The following ANKMY2 variants were observed in gnomAD, a reference collection of about 807,000 sequenced individuals.
ANKMY2 encodes ankyrin repeat and MYND domain containing 2.
Under a neutral mutation model 50.4 loss-of-function variants are expected in ANKMY2, and 36 were observed. The ratio of observed to expected loss-of-function variants is 0.71; its 90% CI spans 0.55 to 0.94. The LOEUF (loss-of-function observed/expected upper bound fraction) is 0.94, where lower values mean the gene tolerates loss of function less well. Ranked by LOEUF, ANKMY2 falls within the 40% of genes least tolerant of loss-of-function variation. The pLI, the probability that ANKMY2 is intolerant of heterozygous loss-of-function variation, is 0.00. For synonymous variants in ANKMY2, 187 were observed against 178.8 expected (o/e 1.05, Z -0.36); for missense variants, 565 against 524.0 (o/e 1.08, Z -0.76).
At chr7:16,637,942 GCT>G (rs1477263127) in intron 1 of ANKMY2, among the ~76,000 whole-genome samples, 1 of 152,166 alleles carries the variant, frequency 6.6e-6, no homozygotes, top group Non-Finnish European at 1.5e-5. Flanking sequence ...TAAACATTTG[GCT>G]CTCATTAGAG....
At chr7:16,621,279 C>A (rs900391662) in intron 4 of ANKMY2, among the ~76,000 whole-genome samples, 2 of 152,062 alleles carry the variant, frequency 1.3e-5, no homozygotes, top group African/African-American at 4.8e-5. Flanking sequence ...ATGAAGGAAC[C>A]AATTAAATAT....
intron 1 of ANKMY2, among the ~76,000 whole-genome samples, chr7:16,644,012 G>C (rs1037960661): frequency 1.3e-5 from 2 of 152,204 alleles, no homozygotes; most frequent in Non-Finnish European, 2.9e-5. Flanking sequence ...GAGAGAGAGA[G>C]AGAAAGAGAC....
At chr7:16,612,962 G>T (rs555377561) in intron 5 of ANKMY2, among the ~76,000 whole-genome samples, 14 of 152,182 alleles carry the variant, frequency 9.2e-5, no homozygotes, top group Middle Eastern at 3.4e-3. Context: ...TTATGTAGTG[G>T]CATTTTGAAT....
chr7:16,625,467 T>C (rs2128344568), intron 3 of ANKMY2, among the ~76,000 whole-genome samples: 1 of 152,326 alleles, frequency 6.6e-6, no homozygotes, highest in African/African-American at 2.4e-5. Context: ...ATCCCATTCC[T>C]CACACTTACA....
chr7:16,615,103 T>C (rs1406168067), intron 5 of ANKMY2, among the ~76,000 whole-genome samples: 1 of 152,208 alleles, frequency 6.6e-6, no homozygotes, highest in Non-Finnish European at 1.5e-5. Flanking sequence ...CCTATGAAAT[T>C]TGAAAATCTG....
chr7:16,624,872 G>A, intron 4 of ANKMY2, 111 bp downstream of exon 4: 2 of 894,018 alleles, frequency 2.2e-6, no homozygotes, highest in Non-Finnish European at 3.5e-6. Context: ...AAATACTTAA[G>A]TTTTTTTAAA....
chr7:16,619,438 G>A (rs2128343768), intron 4 of ANKMY2, among the ~76,000 whole-genome samples: 1 of 152,270 alleles, frequency 6.6e-6, no homozygotes, highest in East Asian at 1.9e-4. Context: ...ACAGGCGTGA[G>A]CTACTGTGCC....
chr7:16,644,334 C>T (rs1781785793), intron 1 of ANKMY2, among the ~76,000 whole-genome samples: 1 of 152,266 alleles, frequency 6.6e-6, no homozygotes, highest in Admixed American at 6.5e-5. Flanking sequence ...ATAGATATAG[C>T]TGTGACTGAC....
intron 1 of ANKMY2, among the ~76,000 whole-genome samples, chr7:16,636,797 C>T (rs1287824015): frequency 1.3e-5 from 2 of 152,164 alleles, no homozygotes; most frequent in African/African-American, 2.4e-5. Context: ...TAATCCAAAT[C>T]ACCATCTGAA....
At chr7:16,639,818 T>C (rs1307248866) in intron 1 of ANKMY2, among the ~76,000 whole-genome samples, 1 of 152,094 alleles carries the variant, frequency 6.6e-6, no homozygotes, top group African/African-American at 2.4e-5. Context: ...CTGCTCTCTC[T>C]TCTACTACAT....
At chr7:16,607,436 T>A (rs767821540) in intron 7 of ANKMY2, among the ~76,000 whole-genome samples, 1 of 151,866 alleles carries the variant, frequency 6.6e-6, no homozygotes, top group Non-Finnish European at 1.5e-5. Flanking sequence ...GGCATGGTGG[T>A]GTGTGCCTGT....
rs772631537 is a variant in ANKMY2 at position 16,604,846 on chromosome 7, A to G, written c.886T>C (p.Ser296Pro). 6.2e-7 allele frequency: 1 copy of G among 1,608,970 alleles called. No individual in the cohort carries two copies. The highest frequency in any genetic ancestry group is 1.1e-5 in the South Asian group (1 of 90,494). ...AGGACGGAGAATGCAGTGGGATCAGAACCCTAGAGTGGGCATGAAGAGGAG... is the reference window on the plus strand; with the variant it reads ...AGGACGGAGAATGCAGTGGGATCAGGACCCTAGAGTGGGCATGAAGAGGAG... ...VRSIAPVEIG[S>P]DPTAFSVLTQ... The change falls in exon 8 of 10, where the codon TCT becomes CCT. Residue 296 changes from serine to proline, a missense_variant. Ser to Pro is a moderately conservative substitution (Grantham distance 74, BLOSUM62 -1). Coordinates refer to ENST00000306999, the MANE Select transcript of ANKMY2 (RefSeq NM_020319.3).
At chr7:16,616,041 G>A (rs748409733) in intron 4 of ANKMY2, 137 bp from the exon 5 acceptor site, 3 of 757,420 alleles carry the variant, frequency 4.0e-6, no homozygotes, top group Non-Finnish European at 6.2e-6. Context: ...GAGAGTAGAG[G>A]AGGAGGAGGA....
intron 4 of ANKMY2, among the ~76,000 whole-genome samples, chr7:16,624,086 ATT>A (rs1342872948): frequency 2.0e-5 from 3 of 152,094 alleles, no homozygotes; most frequent in African/African-American, 7.2e-5. Flanking sequence ...TTTTCGCACC[ATT>A]TGTCATTGCT....
intron 1 of ANKMY2, among the ~76,000 whole-genome samples, chr7:16,638,470 G>A (rs1781699753): frequency 6.6e-6 from 1 of 152,182 alleles, no homozygotes; most frequent in Non-Finnish European, 1.5e-5. Context: ...AAAGAGCAAG[G>A]TATGTGGCAC....
chr7:16,613,139 A>G (rs1781283477), intron 5 of ANKMY2, among the ~76,000 whole-genome samples: 1 of 152,154 alleles, frequency 6.6e-6, no homozygotes, highest in South Asian at 2.1e-4. Flanking sequence ...TTTCTCCTAG[A>G]TAACCTTCAT....
At chr7:16,601,105 G>A (rs1327214776) in intron 9 of ANKMY2, among the ~76,000 whole-genome samples, 160 bp from the exon 10 acceptor site, 1 of 152,214 alleles carries the variant, frequency 6.6e-6, no homozygotes, top group African/African-American at 2.4e-5. Flanking sequence ...AAACTGAGAA[G>A]AGAGAGGTTT....
At chr7:16,615,593 C>A in intron 5 of ANKMY2, 151 bp downstream of exon 5, 1 of 914,278 alleles carries the variant, frequency 1.1e-6, no homozygotes, top group South Asian at 1.7e-5. Flanking sequence ...GGAGAGTGTT[C>A]CTTCAATAAA....
At chr7:16,643,324 T>C (rs1399170224) in intron 1 of ANKMY2, among the ~76,000 whole-genome samples, 1 of 152,210 alleles carries the variant, frequency 6.6e-6, no homozygotes, top group Non-Finnish European at 1.5e-5. Context: ...CATTAATATA[T>C]GTAAAGTACT....
Sources: gnomAD v4.1 joint callset for allele counts (sites outside exome capture counted in the v4.1 genomes callset) on GRCh38, gnomAD v4.1.1 for gene constraint, MANE v1.5 for transcripts, NCBI Gene and HGNC (gene_info 2026-07-23, HGNC 2026-07-21) for gene names.